The following CACNA1A variants were observed in gnomAD, a reference collection of about 807,000 sequenced individuals.
The protein encoded by CACNA1A is voltage-dependent P/Q-type calcium channel subunit alpha-1A.
Under a neutral mutation model 262.4 loss-of-function variants are expected in CACNA1A, and 57 were observed. The observed-to-expected ratio is 0.22, with a 90% confidence interval of 0.18 to 0.27. The LOEUF is 0.27. Among genes scored for constraint, CACNA1A ranks in the 10% least tolerant of loss-of-function variants. The pLI is 1.00. For missense variants in CACNA1A, 2,526 were observed against 3,562.8 expected, an observed-to-expected ratio of 0.71 and a Z score of 7.41; for synonymous variants, 1,431 against 1,419.3, an observed-to-expected ratio of 1.01 and a Z score of -0.18.
At chr19:13,280,056 G>A (rs4414613) in intron 22 of CACNA1A, among the ~76,000 whole-genome samples, 26,120 of 151,870 alleles carry the variant, frequency 0.17, 2,833 homozygotes, top group East Asian at 0.58. Flanking sequence ...TGATCCACCC[G>A]CCTTGGCCTC....
chr19:13,477,489 G>A (rs553820308), intron 1 of CACNA1A, among the ~76,000 whole-genome samples: 1 of 152,286 alleles, frequency 6.6e-6, no homozygotes, highest in South Asian at 2.1e-4. Context: ...ATGAGGCAAG[G>A]ACTGTTTTGC....
chr19:13,339,657 G>A (rs2145158715), intron 6 of CACNA1A, among the ~76,000 whole-genome samples: 1 of 151,958 alleles, frequency 6.6e-6, no homozygotes, highest in Non-Finnish European at 1.5e-5. Flanking sequence ...TATATGCATT[G>A]AAACGTCACT....
At chr19:13,457,775 C>A (rs1472960712) in intron 1 of CACNA1A, among the ~76,000 whole-genome samples, 1 of 151,810 alleles carries the variant, frequency 6.6e-6, no homozygotes, top group African/African-American at 2.4e-5. Flanking sequence ...ATTGCTTGAA[C>A]CCGGGAGGCG....
chr19:13,213,855 AT>A (rs570563551), intron 40 of CACNA1A: 105 of 161,886 alleles, frequency 6.5e-4, no homozygotes, highest in Middle Eastern at 2.8e-3. Context: ...AGCTAATTTT[AT>A]TTTTTTTTTG....
At chr19:13,457,989 G>T (rs1240257941) in intron 1 of CACNA1A, among the ~76,000 whole-genome samples, 1 of 151,850 alleles carries the variant, frequency 6.6e-6, no homozygotes, top group Non-Finnish European at 1.5e-5. Context: ...GAAATATCCC[G>T]AACAGGCAAA....
intron 37 of CACNA1A, 136 bp downstream of exon 37, chr19:13,227,295 T>G: frequency 2.2e-6 from 1 of 448,594 alleles, no homozygotes; most frequent in Non-Finnish European, 4.1e-6. Context: ...AAAAAAAGAA[T>G]CAAAAACAAA....
At chr19:13,276,039 G>C in intron 23 of CACNA1A, 83 bp from the exon 24 acceptor site, 5 of 834,044 alleles carry the variant, frequency 6.0e-6, no homozygotes, top group Non-Finnish European at 9.8e-6. Context: ...AGCCTCTCGG[G>C]GAGAGGCAGG....
Position 13,241,469 on chromosome 19 carries a change from G to A in CACNA1A, c.4950+3713C>T, listed in dbSNP as rs924491132. 2 of 1,347,866 alleles carry A rather than the reference G, an allele frequency of 1.5e-6. No individual in the cohort carries two copies. Among genetic ancestry groups the A allele is most frequent in the Non-Finnish European group, 1.0e-6 (1 of 972,780 alleles). 83.5% of individuals were successfully genotyped at this position (1,347,866 alleles called of 1,614,324 possible). ...GCATGCAATGCCGACGCGAGGAGAT[G>A]CGTTCACAGTTAATGTAAGGCATTT... On this transcript the variant is annotated intron_variant, in intron 31 of 46. Transcript: ENST00000360228. The surrounding 1 kb of genome is among the most constrained non-coding windows in gnomAD (Gnocchi z 4.0).
At chr19:13,284,961 G>T in intron 21 of CACNA1A, 107 bp downstream of exon 21, 1 of 1,058,564 alleles carries the variant, frequency 9.4e-7, no homozygotes, top group Admixed American at 2.0e-5. Context: ...AGGTATCCCT[G>T]GACTCATGGT....
intron 6 of CACNA1A, among the ~76,000 whole-genome samples, chr19:13,336,418 C>T (rs1247276933): frequency 6.6e-6 from 1 of 151,990 alleles, no homozygotes; most frequent in Admixed American, 6.6e-5. Context: ...TAATGCCAAT[C>T]ACAAAAAATT....
chr19:13,268,496 A>C (rs890956046), intron 24 of CACNA1A, among the ~76,000 whole-genome samples: 4 of 150,264 alleles, frequency 2.7e-5, no homozygotes, highest in Admixed American at 2.0e-4. Context: ...TGCAGTGGCA[A>C]GATCTCGGCT....
chr19:13,331,823 T>C (rs2058474299), intron 9 of CACNA1A, among the ~76,000 whole-genome samples: 1 of 115,368 alleles, frequency 8.7e-6, no homozygotes, highest in Admixed American at 9.1e-5. Flanking sequence ...CCCCCACATC[T>C]GGCTAAGTTT....
intron 6 of CACNA1A, among the ~76,000 whole-genome samples, chr19:13,346,616 T>TAATA (rs2058767803): frequency 2.0e-5 from 1 of 50,384 alleles, no homozygotes; most frequent in Non-Finnish European, 3.3e-5. Flanking sequence ...TTTTAATTGA[T>TAATA]TATATATATA....
intron 22 of CACNA1A, 107 bp downstream of exon 22, chr19:13,283,160 G>A (rs2057329065): frequency 7.2e-7 from 1 of 1,387,520 alleles, no homozygotes; most frequent in Non-Finnish European, 9.9e-7. Context: ...GCTATGCCTA[G>A]GGGTGACCCC....
At chr19:13,400,613 C>T (rs1269781889) in intron 3 of CACNA1A, among the ~76,000 whole-genome samples, 1 of 152,182 alleles carries the variant, frequency 6.6e-6, no homozygotes, top group Non-Finnish European at 1.5e-5. Context: ...ATTTAACAAT[C>T]TAGAACAGTG....
chr19:13,452,754 A>AT, intron 3 of CACNA1A, 122 bp downstream of exon 3: 1 of 839,750 alleles, frequency 1.2e-6, no homozygotes. Flanking sequence ...AGGCAGGCGC[A>AT]TAACAAGGGG....
intron 10 of CACNA1A, among the ~76,000 whole-genome samples, chr19:13,329,783 C>CTTTTTTTTTTTTTT (rs148916478): frequency 7.2e-6 from 1 of 139,064 alleles, no homozygotes; most frequent in African/African-American, 2.7e-5. Flanking sequence ...CAGTTTGTGT[C>CTTTTTTTTTTTTTT]TTTTTTTTTT....
chr19:13,431,919 A>G (rs944271253), intron 3 of CACNA1A, among the ~76,000 whole-genome samples: 2 of 151,962 alleles, frequency 1.3e-5, no homozygotes, highest in African/African-American at 4.8e-5. Flanking sequence ...ATCCTGGCCA[A>G]CATGGTGAAA....
intron 3 of CACNA1A, among the ~76,000 whole-genome samples, chr19:13,392,441 C>T (rs2059726660): frequency 6.6e-6 from 1 of 152,088 alleles, no homozygotes; most frequent in African/African-American, 2.4e-5. Context: ...GAGGTGAGAA[C>T]ATAGTGTCAG....
Sources: allele counts gnomAD v4.1 joint callset (sites outside exome capture counted in the v4.1 genomes callset), GRCh38; gene constraint gnomAD v4.1.1; non-coding constraint Gnocchi (gnomAD v3.1); transcripts MANE v1.5; gene names NCBI Gene and HGNC (gene_info 2026-07-23, HGNC 2026-07-21).